The following ESRRG variants were observed in gnomAD, a reference collection of about 807,000 sequenced individuals.
ESRRG encodes the protein estrogen related receptor gamma.
A neutral mutation model predicts 44.0 loss-of-function variants in ESRRG; 13 were observed. That is an observed-to-expected ratio of 0.30 (90% CI 0.19 to 0.47). The LOEUF (loss-of-function observed/expected upper bound fraction) is 0.47. Among genes scored for constraint, ESRRG ranks in the 20% least tolerant of loss-of-function variants. The pLI is 1.00. For missense variants in ESRRG, 395 were observed against 580.6 expected, an observed-to-expected ratio of 0.68 and a Z score of 3.29; for synonymous variants, 215 against 214.6, an observed-to-expected ratio of 1.00 and a Z score of -0.02.
chr1:216,528,584 C>T (rs1297367160), intron 5 of ESRRG, among the ~76,000 whole-genome samples: 7 of 152,076 alleles, frequency 4.6e-5, no homozygotes, highest in Admixed American at 2.0e-4. Flanking sequence ...TGGATGAAAA[C>T]AATGCTCATT....
chr1:216,866,997 T>C (rs1392126385), intron 2 of ESRRG, among the ~76,000 whole-genome samples: 1 of 152,206 alleles, frequency 6.6e-6, no homozygotes, highest in Non-Finnish European at 1.5e-5. Flanking sequence ...AACTATGAAA[T>C]GATGAAAAGA....
At chr1:217,002,755 C>A (rs2077209737) in intron 1 of ESRRG, among the ~76,000 whole-genome samples, 1 of 152,100 alleles carries the variant, frequency 6.6e-6, no homozygotes. Context: ...GGAGAGGAAC[C>A]AATTTGCCAG....
chr1:217,124,943 G>A (rs1445050177), intron 1 of ESRRG, among the ~76,000 whole-genome samples: 1 of 152,064 alleles, frequency 6.6e-6, no homozygotes, highest in African/African-American at 2.4e-5. Context: ...GTCTAAAATG[G>A]CCTCAGAATT....
intron 1 of ESRRG, among the ~76,000 whole-genome samples, chr1:217,112,671 A>T (rs914981381): frequency 6.6e-6 from 1 of 152,198 alleles, no homozygotes; most frequent in African/African-American, 2.4e-5. Context: ...AGGATCTAGG[A>T]TTTGCTAGGT....
chr1:216,542,642 T>G (rs1165477183), intron 5 of ESRRG, among the ~76,000 whole-genome samples: 2 of 152,066 alleles, frequency 1.3e-5, no homozygotes, highest in Admixed American at 1.3e-4. Context: ...TTCACATTTT[T>G]GTACTCATTT....
Position 216,955,273 on chromosome 1 carries a change from G to A in ESRRG, c.-105-15600C>T, listed in dbSNP as rs188605169. Among the ~76,000 whole-genome samples, 6 of 152,052 alleles carry A rather than the reference G, an allele frequency of 3.9e-5. 1 individual carries two copies. The highest frequency in any genetic ancestry group is 1.9e-4 in the East Asian group (1 of 5,174). ...GAACTCAATACTTTTAATCTCCCAT[G>A]TGTAAGAACATCCAGGGTATTTCTT... On this transcript the variant is annotated intron_variant, in intron 1 of 7. Transcript: ENST00000359162.
At chr1:216,689,720 T>C (rs982944067) in intron 1 of ESRRG, among the ~76,000 whole-genome samples, 20 of 152,230 alleles carry the variant, frequency 1.3e-4, no homozygotes, top group Admixed American at 3.9e-4. Flanking sequence ...TAAATATGCC[T>C]ACACACACAA....
At chr1:216,702,608 C>CAAAAAAAAAA (rs61361041) in intron 1 of ESRRG, among the ~76,000 whole-genome samples, 1 of 132,336 alleles carries the variant, frequency 7.6e-6, no homozygotes, top group African/African-American at 2.9e-5. Context: ...ACTAAAAATA[C>CAAAAAAAAAA]AAAAAAAAAA....
intron 3 of ESRRG, among the ~76,000 whole-genome samples, chr1:216,578,904 TAAC>T (rs2062187689): frequency 6.6e-6 from 1 of 152,130 alleles, no homozygotes; most frequent in Non-Finnish European, 1.5e-5. Context: ...CTCCTAGAGT[TAAC>T]AATTCAACTC....
intron 2 of ESRRG, among the ~76,000 whole-genome samples, chr1:216,911,046 A>G (rs1296012449): frequency 6.6e-6 from 1 of 152,158 alleles, no homozygotes; most frequent in Non-Finnish European, 1.5e-5. Context: ...ACATTTATTT[A>G]TTTAATATAC....
chr1:216,523,025 A>T (rs2046554511), intron 5 of ESRRG, among the ~76,000 whole-genome samples: 2 of 152,114 alleles, frequency 1.3e-5, no homozygotes, highest in African/African-American at 2.4e-5. Flanking sequence ...TGTCGTTTGA[A>T]CTTCATGTTT....
chr1:217,065,935 C>A (rs1372816103), intron 1 of ESRRG, among the ~76,000 whole-genome samples: 1 of 152,124 alleles, frequency 6.6e-6, no homozygotes, highest in East Asian at 1.9e-4. Flanking sequence ...TTGCCCTGTT[C>A]CTTACATTTT....
At chr1:216,844,121 C>T (rs576605504) in intron 2 of ESRRG, among the ~76,000 whole-genome samples, 1 of 152,216 alleles carries the variant, frequency 6.6e-6, no homozygotes, top group African/African-American at 2.4e-5. Context: ...GGCTCTGCTT[C>T]TCTTTCCTTC....
intron 6 of ESRRG, among the ~76,000 whole-genome samples, chr1:216,518,950 T>C (rs1216497128): frequency 1.3e-5 from 2 of 152,324 alleles, no homozygotes; most frequent in Non-Finnish European, 2.9e-5. Flanking sequence ...AAGCATTCAA[T>C]AAGCAAGTCA....
At chr1:216,617,767 G>C (rs1383218370) in intron 3 of ESRRG, among the ~76,000 whole-genome samples, 5 of 152,098 alleles carry the variant, frequency 3.3e-5, no homozygotes, top group Non-Finnish European at 4.4e-5. Context: ...TGTAAAGCAA[G>C]AGCCTGCTTG....
At chr1:216,839,268 G>T (rs1380279318) in intron 2 of ESRRG, among the ~76,000 whole-genome samples, 1 of 152,110 alleles carries the variant, frequency 6.6e-6, no homozygotes, top group Non-Finnish European at 1.5e-5. Flanking sequence ...TTTATCATGA[G>T]ATTTCAGCCA....
At chr1:217,026,274 A>G (rs1243856322) in intron 1 of ESRRG, among the ~76,000 whole-genome samples, 1 of 152,222 alleles carries the variant, frequency 6.6e-6, no homozygotes, top group Non-Finnish European at 1.5e-5. Flanking sequence ...AAATGGAGGG[A>G]CAGAACATCC....
intron 3 of ESRRG, among the ~76,000 whole-genome samples, chr1:216,605,363 T>C (rs897365894): frequency 6.6e-6 from 1 of 151,796 alleles, no homozygotes; most frequent in African/African-American, 2.4e-5. Flanking sequence ...TTGCAAAAGA[T>C]TATCAATCAT....
chr1:217,128,590 AT>A (rs1424186242), intron 1 of ESRRG, among the ~76,000 whole-genome samples: 1 of 152,190 alleles, frequency 6.6e-6, no homozygotes, highest in Non-Finnish European at 1.5e-5. Context: ...GATAATGATA[AT>A]TTAAAAAAAA....
Sources: allele counts gnomAD v4.1 joint callset (sites outside exome capture counted in the v4.1 genomes callset), GRCh38; gene constraint gnomAD v4.1.1; transcripts MANE v1.5; gene names NCBI Gene and HGNC (gene_info 2026-07-23, HGNC 2026-07-21).